The following USP25 variants were observed in gnomAD, a reference collection of about 807,000 sequenced individuals.
USP25 encodes the protein ubiquitin specific peptidase 25, also known as ubiquitin carboxyl-terminal hydrolase 25.
USP25 carries 85 observed loss-of-function variants against 158.5 expected under a neutral mutation model. That is an observed-to-expected ratio of 0.54 (90% confidence interval 0.45 to 0.64). USP25 has a LOEUF of 0.64. USP25 is among the 30% of genes least tolerant of loss of function. USP25 has a pLI of 0.00. For missense variants in USP25, 1,242 were observed against 1,327.3 expected (o/e 0.94, Z 1.00); for synonymous variants, 464 against 460.4 (o/e 1.01, Z -0.10).
chr21:15,771,184 A>G (rs1223804578), intron 3 of USP25, among the ~76,000 whole-genome samples: 1 of 152,208 alleles, frequency 6.6e-6, no homozygotes. Flanking sequence ...CAGTAAACAA[A>G]CAGTATCAGA....
chr21:15,771,817 C>T (rs1027381122), intron 3 of USP25, among the ~76,000 whole-genome samples: 13 of 152,068 alleles, frequency 8.5e-5, no homozygotes, highest in Non-Finnish European at 4.4e-5. Flanking sequence ...TGCAACGCTT[C>T]TCAAACTCTT....
At position 15,843,895 on chromosome 21, in the gene USP25, G is replaced by A. The variant is rs536118980; in HGVS notation, c.2337+1355G>A. Among the ~76,000 whole-genome samples, 26 of 152,052 alleles carry A rather than the reference G, an allele frequency of 1.7e-4. No homozygotes were observed. Among genetic ancestry groups the A allele is most frequent in the Non-Finnish European group, 3.8e-4 (26 of 67,968 alleles). On this transcript the variant is annotated intron_variant, in intron 18 of 25. Coordinates refer to ENST00000400183, the MANE Select transcript of USP25 (RefSeq NM_001283041.3). The surrounding 1 kb of genome is among the most constrained non-coding windows in gnomAD (Gnocchi z 4.0). The stretch of plus-strand genomic sequence containing the variant: ...TTAAGCTGGTATTAGAAAACCAAAA[G>A]CATTACTTAGCTTAATGTAGAATCC...
intron 1 of USP25, among the ~76,000 whole-genome samples, chr21:15,757,380 T>A (rs1375150431): frequency 1.3e-5 from 2 of 152,212 alleles, no homozygotes; most frequent in East Asian, 3.8e-4. Context: ...CAGTCAAGAT[T>A]TATGAAAACA....
chr21:15,736,650 CA>C (rs1167817496), intron 1 of USP25, among the ~76,000 whole-genome samples: 1 of 148,592 alleles, frequency 6.7e-6, no homozygotes, highest in African/African-American at 2.5e-5. Context: ...TAATATAAAA[CA>C]TTAATAGCTT....
intron 25 of USP25, 102 bp from the exon 26 acceptor site, chr21:15,878,201 A>G (rs1416016276): frequency 1.4e-6 from 2 of 1,453,702 alleles, no homozygotes; most frequent in African/African-American, 1.4e-5. Flanking sequence ...CAAAATGGCA[A>G]TTATCTTACC....
intron 5 of USP25, among the ~76,000 whole-genome samples, chr21:15,795,412 T>C (rs966792466): frequency 3.3e-5 from 5 of 151,642 alleles, no homozygotes; most frequent in African/African-American, 9.7e-5. Flanking sequence ...GTTATGGTCT[T>C]AATAATATAT....
intron 17 of USP25, among the ~76,000 whole-genome samples, chr21:15,841,382 C>T (rs1167602807): frequency 6.6e-6 from 1 of 152,022 alleles, no homozygotes; most frequent in Non-Finnish European, 1.5e-5. Context: ...TCACAATATC[C>T]CCAGAATAAT....
intron 2 of USP25, 48 bp downstream of exon 2, chr21:15,763,016 C>G (rs1045760828): frequency 6.6e-7 from 1 of 1,509,516 alleles, no homozygotes; most frequent in Admixed American, 2.0e-5. Flanking sequence ...ATGCTCATCT[C>G]TAGTGCGTAT....
chr21:15,739,240 A>G (rs187863851), intron 1 of USP25, among the ~76,000 whole-genome samples: 120 of 152,308 alleles, frequency 7.9e-4, no homozygotes, highest in African/African-American at 2.7e-3. Flanking sequence ...AGTGATAACA[A>G]TGAGTATTTT....
Position 15,766,049 on chromosome 21 carries a change from C to T in USP25, c.176C>T (p.Ala59Val), listed in dbSNP as rs765616196. The T allele has an allele frequency of 1.2e-6, 2 of 1,610,548 alleles. No homozygotes were observed. The highest frequency in any genetic ancestry group is 2.7e-5 in the African/African-American group (2 of 74,706). ...LAVAFLTAKN[A>V]KTPQQEETTY... ...GTGGCTTTCCTTACTGCGAAGAATG[C>T]TAAGACCCCTCAGCAGGAGGAGACA... Residue 59 changes from alanine to valine, a missense_variant, in exon 3 of 26, where the codon GCT becomes GTT. Transcript: ENST00000400183. This position sits in a 1 kb window ranked among gnomAD's most constrained non-coding sequence, Gnocchi z 4.0.
intron 1 of USP25, 27 bp downstream of exon 1, chr21:15,730,465 C>A: frequency 7.5e-7 from 1 of 1,333,638 alleles, no homozygotes. Context: ...AGCCGGCGGG[C>A]CCCACTTCTC....
intron 20 of USP25, among the ~76,000 whole-genome samples, chr21:15,858,210 A>G (rs899423324): frequency 1.1e-4 from 16 of 152,074 alleles, no homozygotes; most frequent in Admixed American, 7.2e-4. Context: ...TTTAAAATCA[A>G]TTGCCACTTC....
intron 20 of USP25, among the ~76,000 whole-genome samples, chr21:15,853,728 G>A (rs1433672910): frequency 6.6e-6 from 1 of 151,886 alleles, no homozygotes; most frequent in Non-Finnish European, 1.5e-5. Context: ...TCTATTTTGT[G>A]CTGTCTTCAT....
At chr21:15,783,782 C>G (rs1273657120) in intron 4 of USP25, among the ~76,000 whole-genome samples, 4 of 147,434 alleles carry the variant, frequency 2.7e-5, no homozygotes, top group Non-Finnish European at 5.9e-5. Context: ...ATGGTGAAAC[C>G]CCGTCTGTAC....
At position 15,815,551 on chromosome 21, in the gene USP25, G is replaced by C. The variant is rs901799050; in HGVS notation, c.932-3147G>C. 2.0e-5 allele frequency among the ~76,000 whole-genome samples: 3 copies of C among 152,170 alleles called. No homozygotes were observed. In the East Asian group the frequency reaches 5.8e-4, roughly 29 times the overall value. On this transcript the variant is annotated intron_variant, in intron 9 of 25. Transcript: ENST00000400183. ...CCAGGACCATGGGAACCTACCTCTTGCATCAGTGTGACCTGGATGTGAGAG... is the reference window on the plus strand; with the variant it reads ...CCAGGACCATGGGAACCTACCTCTTCCATCAGTGTGACCTGGATGTGAGAG...
At chr21:15,861,097 A>C (rs2039410316) in intron 20 of USP25, among the ~76,000 whole-genome samples, 1 of 152,076 alleles carries the variant, frequency 6.6e-6, no homozygotes, top group Non-Finnish European at 1.5e-5. Context: ...AATTATTTGC[A>C]TCTTTAGAAC....
intron 17 of USP25, among the ~76,000 whole-genome samples, chr21:15,837,762 A>G (rs1466661718): frequency 6.6e-6 from 1 of 152,174 alleles, no homozygotes; most frequent in Non-Finnish European, 1.5e-5. Context: ...GTAAGGTTTT[A>G]TAAATTTCTC....
intron 1 of USP25, among the ~76,000 whole-genome samples, chr21:15,737,484 C>T (rs1425445679): frequency 2.0e-5 from 3 of 152,122 alleles, no homozygotes; most frequent in African/African-American, 4.8e-5. Flanking sequence ...ACCTATATCC[C>T]TTATCCTATC....
chr21:15,761,273 T>C (rs2033708531), intron 1 of USP25, among the ~76,000 whole-genome samples: 1 of 152,152 alleles, frequency 6.6e-6, no homozygotes, highest in Non-Finnish European at 1.5e-5. Context: ...TTTACACTGT[T>C]GTTACAGTAG....
Sources: gnomAD v4.1 joint callset for allele counts (sites outside exome capture counted in the v4.1 genomes callset) on GRCh38, gnomAD v4.1.1 for gene constraint, Gnocchi (gnomAD v3.1) non-coding constraint, MANE v1.5 for transcripts, NCBI Gene and HGNC (gene_info 2026-07-23, HGNC 2026-07-21) for gene names.